Variants in PCDH15 observed in about 807,000 individuals in gnomAD.
The protein encoded by PCDH15 is protocadherin-15.
A neutral mutation model predicts 178.5 loss-of-function variants in PCDH15; 129 were observed. That is an observed-to-expected ratio of 0.72 (90% confidence interval 0.63 to 0.84). PCDH15 has a LOEUF of 0.84. PCDH15 is among the 40% of genes least tolerant of loss of function. The pLI, the probability that PCDH15 is intolerant of heterozygous loss-of-function variation, is 0.00. For missense variants in PCDH15, 2,230 were observed against 2,099.9 expected, an observed-to-expected ratio of 1.06 and a Z score of -1.21; for synonymous variants, 800 against 732.0, an observed-to-expected ratio of 1.09 and a Z score of -1.50.
chr10:54,494,028 T>C (rs1309751807), intron 3 of PCDH15, among the ~76,000 whole-genome samples: 2 of 146,896 alleles, frequency 1.4e-5, no homozygotes, highest in Admixed American at 7.0e-5. Flanking sequence ...TAGGTGGGAA[T>C]TGAACAATGA....
chr10:55,456,504 T>C (rs558058116), intron 2 of PCDH15, among the ~76,000 whole-genome samples: 1 of 152,224 alleles, frequency 6.6e-6, no homozygotes, highest in African/African-American at 2.4e-5. Context: ...GTTTATCCTG[T>C]GTTTGTGGTA....
chr10:54,327,933 A>C (rs1471698148), intron 7 of PCDH15, among the ~76,000 whole-genome samples: 1 of 152,044 alleles, frequency 6.6e-6, no homozygotes, highest in Non-Finnish European at 1.5e-5. Context: ...ATCCCTAATC[A>C]AAGTTGTACA....
chr10:54,468,420 A>G (rs2077674371), intron 3 of PCDH15, among the ~76,000 whole-genome samples: 1 of 151,948 alleles, frequency 6.6e-6, no homozygotes, highest in Non-Finnish European at 1.5e-5. Context: ...TCTTGACCCA[A>G]TGGTCATTTA....
intron 1 of PCDH15, among the ~76,000 whole-genome samples, chr10:54,727,567 T>C (rs1942752229): frequency 6.6e-6 from 1 of 151,330 alleles, no homozygotes; most frequent in South Asian, 2.1e-4. Context: ...ATCCCATAGA[T>C]AGAAGAAGAC....
At chr10:54,815,389 A>G (rs537698800) in intron 3 of PCDH15, among the ~76,000 whole-genome samples, 3 of 152,260 alleles carry the variant, frequency 2.0e-5, no homozygotes, top group Admixed American at 6.5e-5. Flanking sequence ...AAACAAATGT[A>G]AAAATGTAGT....
At chr10:54,832,095 G>C (rs1279662651) in intron 3 of PCDH15, among the ~76,000 whole-genome samples, 1 of 151,918 alleles carries the variant, frequency 6.6e-6, no homozygotes, top group Non-Finnish European at 1.5e-5. Context: ...CATTTCTAAA[G>C]GTTCTTTTAT....
chr10:55,401,637 T>TGTGTGTGTGTGTG (rs1554862654), intron 2 of PCDH15, among the ~76,000 whole-genome samples: 2 of 146,044 alleles, frequency 1.4e-5, no homozygotes, highest in Admixed American at 7.0e-5. Context: ...TGTGTGTGTG[T>TGTGTGTGTGTGTG]AGTGAGTAGC....
chr10:53,855,122 C>A (rs2078638279), intron 28 of PCDH15, among the ~76,000 whole-genome samples: 1 of 151,938 alleles, frequency 6.6e-6, no homozygotes, highest in Non-Finnish European at 1.5e-5. Flanking sequence ...CAAGTGTCTA[C>A]TATATAACTG....
At chr10:54,220,366 C>T (rs1201799139) in intron 9 of PCDH15, among the ~76,000 whole-genome samples, 1 of 152,170 alleles carries the variant, frequency 6.6e-6, no homozygotes, top group Non-Finnish European at 1.5e-5. Flanking sequence ...ATATTCTGAA[C>T]TCTCACGGCT....
intron 3 of PCDH15, among the ~76,000 whole-genome samples, chr10:54,442,388 TTTA>T (rs1363471413): frequency 0.017 from 1,316 of 75,206 alleles, 50 homozygotes; most frequent in African/African-American, 0.044. Flanking sequence ...CTCCTTTTTT[TTTA>T]AAAAAAAAAA....
Position 54,717,073 on chromosome 10 carries a change from C to T in PCDH15, c.-28-52783G>A, listed in dbSNP as rs542916190. Among the ~76,000 whole-genome samples the T allele has an allele frequency of 7.7e-4, 113 of 147,674 alleles. 1 individual carries two copies. Among genetic ancestry groups the T allele is most frequent in the Admixed American group, 9.5e-4 (14 of 14,672 alleles). ...GCTAGCTATATGTAGAAAGCTGAAA[C>T]TGGATCCCTTCCTTACACCTTATAC... On this transcript the variant is annotated intron_variant, in intron 1 of 37. Transcript: ENST00000644397.
At chr10:55,418,128 A>G (rs966522548) in intron 2 of PCDH15, among the ~76,000 whole-genome samples, 1 of 151,730 alleles carries the variant, frequency 6.6e-6, no homozygotes, top group Non-Finnish European at 1.5e-5. Flanking sequence ...AGAACAGTAC[A>G]TGGTCAAGAA....
intron 2 of PCDH15, among the ~76,000 whole-genome samples, chr10:55,426,169 T>C (rs1219156325): frequency 1.3e-5 from 2 of 152,184 alleles, no homozygotes; most frequent in East Asian, 1.9e-4. Flanking sequence ...ATTTTTGAAG[T>C]ACATGTTTAT....
intron 1 of PCDH15, among the ~76,000 whole-genome samples, chr10:55,267,561 T>C (rs939976490): frequency 6.6e-6 from 1 of 152,212 alleles, no homozygotes; most frequent in Non-Finnish European, 1.5e-5. Context: ...GGAGTGGTTT[T>C]CCAAATAAGG....
At chr10:54,307,104 GTATATATATATATATATATATATATATA>G (rs1170885233) in intron 8 of PCDH15, among the ~76,000 whole-genome samples, 5 of 26,580 alleles carry the variant, frequency 1.9e-4, no homozygotes, top group East Asian at 1.5e-3. Context: ...GTGTGTGTGT[GTATATATATATATATATATATATATATA>G]TATATATATA....
chr10:54,972,911 A>T (rs1235909758), intron 2 of PCDH15, among the ~76,000 whole-genome samples: 2 of 151,404 alleles, frequency 1.3e-5, no homozygotes, highest in African/African-American at 4.8e-5. Flanking sequence ...CACTCCTTAG[A>T]ATTATTTTAT....
Position 55,438,119 on chromosome 10 carries a change from G to A in PCDH15, c.-156+189506C>T, listed in dbSNP as rs143813567. ...CAAAGTGCTGGGAGTACAGGCATGA[G>A]CCCCTGCGCCTGGCCTCTCTTTCTT... On this transcript the variant is annotated intron_variant, in intron 2 of 5. Coordinates refer to the PCDH15 transcript ENST00000613346. 6.1e-4 allele frequency among the ~76,000 whole-genome samples: 93 copies of A among 151,896 alleles called. No homozygotes were observed. The East Asian group carries it at 0.016, about 27-fold the overall frequency.
chr10:55,537,234 AATATGTTTTCAC>A (rs1267993226), intron 2 of PCDH15, among the ~76,000 whole-genome samples: 3 of 152,152 alleles, frequency 2.0e-5, no homozygotes, highest in Non-Finnish European at 4.4e-5. Flanking sequence ...ACGTATCCCT[AATATGTTTTCAC>A]ATTTAAGAGA....
At chr10:55,412,879 T>TCACACACACACACACA (rs71014485) in intron 2 of PCDH15, among the ~76,000 whole-genome samples, 4 of 134,822 alleles carry the variant, frequency 3.0e-5, no homozygotes, top group African/African-American at 1.1e-4. Flanking sequence ...TCAACAATAA[T>TCACACACACACACACA]CACACACACA....
Sources: gnomAD v4.1 joint callset for allele counts (sites outside exome capture counted in the v4.1 genomes callset) on GRCh38, gnomAD v4.1.1 for gene constraint, MANE v1.5 for transcripts, NCBI Gene and HGNC (gene_info 2026-07-23, HGNC 2026-07-21) for gene names.